Variants in CLVS1 observed in about 807,000 individuals in gnomAD.
The protein encoded by CLVS1 is clavesin 1.
In CLVS1, 10 loss-of-function variants were observed where a neutral mutation model predicts 33.1. The observed-to-expected ratio is 0.30, with a 90% CI of 0.19 to 0.51. The LOEUF is 0.51. Ranked by LOEUF, CLVS1 falls within the 20% of genes least tolerant of loss-of-function variation. CLVS1 has a pLI of 0.97. For missense variants in CLVS1, 343 were observed against 433.4 expected (o/e 0.79, Z 1.85); for synonymous variants, 163 against 166.1 (o/e 0.98, Z 0.14).
intron 2 of CLVS1, among the ~76,000 whole-genome samples, chr8:61,176,593 G>T (rs1294186065): frequency 1.3e-5 from 2 of 152,182 alleles, no homozygotes; most frequent in Admixed American, 6.5e-5. Flanking sequence ...ACATTGAAAA[G>T]AATCAAAAGA....
intron 2 of CLVS1, among the ~76,000 whole-genome samples, chr8:61,340,467 C>T (rs1384959410): frequency 6.6e-6 from 1 of 152,170 alleles, no homozygotes; most frequent in African/African-American, 2.4e-5. Context: ...GCTTATTTCA[C>T]TTAATACAAT....
At chr8:61,215,654 A>G (rs1808066665) in intron 2 of CLVS1, among the ~76,000 whole-genome samples, 1 of 147,198 alleles carries the variant, frequency 6.8e-6, no homozygotes. Flanking sequence ...ATGGTATTGA[A>G]CTCGGAATTA....
chr8:61,476,872 T>C (rs900373598), intron 5 of CLVS1, among the ~76,000 whole-genome samples: 3 of 152,230 alleles, frequency 2.0e-5, no homozygotes, highest in African/African-American at 7.2e-5. Context: ...CCCTGTCTTG[T>C]GCCAGTTTTC....
chr8:61,336,050 G>A (rs933084336), intron 2 of CLVS1, among the ~76,000 whole-genome samples: 3 of 152,038 alleles, frequency 2.0e-5, no homozygotes, highest in Non-Finnish European at 2.9e-5. Context: ...AATAGAATTC[G>A]CTGAGAAAAG....
chr8:61,215,598 C>T (rs1211391972), intron 2 of CLVS1, among the ~76,000 whole-genome samples: 1 of 151,808 alleles, frequency 6.6e-6, no homozygotes, highest in African/African-American at 2.4e-5. Flanking sequence ...AAACAGGATC[C>T]TACTAGCTAG....
the CLVS1 span, among the ~76,000 whole-genome samples, chr8:60,976,542 A>C: frequency 6.6e-6 from 1 of 152,258 alleles, no homozygotes; most frequent in African/African-American, 2.4e-5. Flanking sequence ...TTTCTAAATC[A>C]AAATTAAGCA....
the CLVS1 span, among the ~76,000 whole-genome samples, chr8:60,984,452 C>G: frequency 3.9e-5 from 6 of 151,932 alleles, no homozygotes; most frequent in African/African-American, 1.5e-4. Context: ...TCCTGAGTAG[C>G]TGAGATCTGA....
At chr8:61,483,218 GAGA>G (rs1276722158) in intron 5 of CLVS1, among the ~76,000 whole-genome samples, 1 of 152,070 alleles carries the variant, frequency 6.6e-6, no homozygotes, top group African/African-American at 2.4e-5. Context: ...GAAGAAAAGA[GAGA>G]AGAATCAAAT....
chr8:61,039,951 A>G, the CLVS1 span, among the ~76,000 whole-genome samples: 1 of 152,328 alleles, frequency 6.6e-6, no homozygotes, highest in East Asian at 1.9e-4. Flanking sequence ...TCAGGTAATG[A>G]ACATAATATC....
At chr8:61,237,196 A>T (rs1014395806) in intron 2 of CLVS1, among the ~76,000 whole-genome samples, 1 of 152,240 alleles carries the variant, frequency 6.6e-6, no homozygotes, top group Admixed American at 6.5e-5. Flanking sequence ...TATTTTCAGC[A>T]TAGCTGGCCA....
intron 4 of CLVS1, among the ~76,000 whole-genome samples, chr8:61,457,859 C>T (rs982041659): frequency 2.6e-5 from 4 of 152,136 alleles, no homozygotes; most frequent in Non-Finnish European, 5.9e-5. Flanking sequence ...GCAGTTATCA[C>T]CAGGGCGAAT....
chr8:61,238,410 CT>C (rs1563457713), intron 2 of CLVS1, among the ~76,000 whole-genome samples: 1 of 151,928 alleles, frequency 6.6e-6, no homozygotes, highest in African/African-American at 2.4e-5. Context: ...CCTTCCTTCC[CT>C]CCTTTTCTTT....
chr8:61,167,923 C>T (rs1365303154), intron 2 of CLVS1, among the ~76,000 whole-genome samples: 3 of 152,192 alleles, frequency 2.0e-5, no homozygotes, highest in Non-Finnish European at 4.4e-5. Flanking sequence ...ATCCACCCCT[C>T]GTTTAGCATT....
At chr8:61,304,400 T>G (rs766687957) in intron 2 of CLVS1, among the ~76,000 whole-genome samples, 7 of 152,214 alleles carry the variant, frequency 4.6e-5, no homozygotes, top group African/African-American at 9.6e-5. Flanking sequence ...GCATTGGACC[T>G]CAGCAGAGAG....
chr8:61,204,439 A>T (rs919907497), intron 2 of CLVS1, among the ~76,000 whole-genome samples: 1 of 152,176 alleles, frequency 6.6e-6, no homozygotes, highest in Non-Finnish European at 1.5e-5. Flanking sequence ...TCCAAGCAGA[A>T]TTTTCAGGGG....
intron 2 of CLVS1, among the ~76,000 whole-genome samples, chr8:61,210,968 C>A (rs1585691552): frequency 6.6e-6 from 1 of 151,900 alleles, no homozygotes; most frequent in East Asian, 1.9e-4. Flanking sequence ...AAAAAGGAAT[C>A]TGGAAGATGC....
At chr8:61,478,202 T>G (rs1490554348) in intron 5 of CLVS1, among the ~76,000 whole-genome samples, 1 of 152,084 alleles carries the variant, frequency 6.6e-6, no homozygotes, top group African/African-American at 2.4e-5. Context: ...TAATTTCTGT[T>G]CTTTTACATT....
At chr8:61,483,458 C>G (rs945411837) in intron 5 of CLVS1, among the ~76,000 whole-genome samples, 2 of 152,244 alleles carry the variant, frequency 1.3e-5, no homozygotes, top group South Asian at 2.1e-4. Context: ...TAATAGCCTA[C>G]CAACCAAAAA....
intron 1 of CLVS1, among the ~76,000 whole-genome samples, chr8:61,126,088 C>T (rs369329316): frequency 2.9e-4 from 44 of 152,200 alleles, no homozygotes; most frequent in African/African-American, 9.4e-4. Context: ...TACTTACAGC[C>T]CCACTGTGAG....
Sources: allele counts gnomAD v4.1 joint callset (sites outside exome capture counted in the v4.1 genomes callset), GRCh38; gene constraint gnomAD v4.1.1; transcripts MANE v1.5; gene names NCBI Gene and HGNC (gene_info 2026-07-23, HGNC 2026-07-21).